Variants in PDIA2 observed in about 807,000 individuals in gnomAD.
The protein encoded by PDIA2 is protein disulfide isomerase family A member 2.
A neutral mutation model predicts 51.1 loss-of-function variants in PDIA2; 76 were observed. The ratio of observed to expected loss-of-function variants is 1.49; its 90% confidence interval spans 1.24 to 1.80. The LOEUF (loss-of-function observed/expected upper bound fraction) is 1.80, where lower values mean the gene tolerates loss of function less well. PDIA2 is among the 40% of genes most tolerant of loss of function. The pLI is 0.00. For missense variants in PDIA2, 946 were observed against 706.5 expected (o/e 1.34, Z -3.84); for synonymous variants, 429 against 309.9 (o/e 1.38, Z -4.04).
Position 284,889 on chromosome 16 carries a change from C to CAA in PDIA2, c.552_553insAA (p.Glu185LysfsTer17). On this transcript the variant is annotated frameshift_variant, in exon 4 of 11. Transcript: ENST00000219406. LOFTEE classifies it high-confidence loss of function. Reference sequence around the variant, plus strand: ...GCCAGGCCCCTCAGGACCTGCAGGACGAGGACGTGGCCACCTTCTTGGCCT... The same window carrying CAA: ...GCCAGGCCCCTCAGGACCTGCAGGACAAGAGGACGTGGCCACCTTCTTGGCCT... The CAA allele has an allele frequency of 1.2e-6, 2 of 1,612,602 alleles. No homozygotes were observed. The highest frequency in any genetic ancestry group is 1.7e-6 in the Non-Finnish European group (2 of 1,179,652).
chr16:285,330 G>A lies in PDIA2; in HGVS notation c.814G>A (p.Ala272Thr), dbSNP rs367835970. 3.6e-5 allele frequency: 58 copies of A among 1,612,840 alleles called. No individual in the cohort carries two copies. The highest frequency in any genetic ancestry group is 2.5e-4 in the African/African-American group (19 of 74,922). Residue 272 changes from alanine to threonine, a missense_variant, in exon 6 of 11, where the codon GCG becomes ACG. Physicochemically the swap from Ala to Thr is moderately conservative, Grantham distance 58. Transcript: ENST00000219406. ...ACTGTAGACGTCTGCCAAGATCTTC[G>A]CGGCCAGGATCCTCAACCACCTGCT... ...FNSQTSAKIF[A>T]ARILNHLLLF...
Position 284,806 on chromosome 16 carries a change from C to G in PDIA2, c.540+14C>G. The stretch of plus-strand genomic sequence containing the variant: ...GGCTTCTTCCAGGTGAGCCACTGGG[C>G]ATGGGGGGCCGGGCCATGAGGGCAG... On this transcript the variant is annotated intron_variant, in intron 3 of 10. Coordinates refer to ENST00000219406, the MANE Select transcript of PDIA2 (RefSeq NM_006849.4). The G allele has an allele frequency of 6.3e-7, 1 of 1,584,896 alleles. No homozygotes were observed. Among genetic ancestry groups the G allele is most frequent in the Non-Finnish European group, 8.6e-7 (1 of 1,167,726 alleles).
At chr16:284,194 A>G (rs574063028) in intron 1 of PDIA2, 193 bp from the exon 2 acceptor site, 2 of 624,674 alleles carry the variant, frequency 3.2e-6, no homozygotes, top group Middle Eastern at 4.3e-4. Context: ...TGGTCTTTCA[A>G]GCTCTCCCAA....
At position 286,565 on chromosome 16, in the gene PDIA2, T is replaced by C. The variant is rs765872416; in HGVS notation, c.1252T>C (p.Cys418Arg). The change falls in exon 9 of 11, where the codon TGC becomes CGC. Residue 418 changes from cysteine (C) to arginine (R), a missense_variant. Cys to Arg is a radical substitution (Grantham distance 180, BLOSUM62 -3). Coordinates refer to ENST00000219406, the MANE Select transcript of PDIA2 (RefSeq NM_006849.4). ...NVFVKFYAPW[C>R]THCKEMAPAW... The stretch of plus-strand genomic sequence containing the variant: ...GGCTCCCATCCTAGATGCCCCGTGG[T>C]GCACCCACTGCAAGGAGATGGCCCC... 4.3e-6 allele frequency: 7 copies of C among 1,612,282 alleles called. No individual in the cohort carries two copies. In the South Asian group the frequency reaches 6.6e-5, roughly 15 times the overall value.
rs778893713 is a variant in PDIA2, at chr16:283,239, C to T, written c.70C>T (p.Gln24Ter). Residue 24 changes from glutamine (Q) to a stop codon, truncating the protein, a stop_gained, in exon 1 of 11, where the codon CAG becomes TAG. Transcript: ENST00000219406. LOFTEE classifies it high-confidence loss of function. ...GGCTTCGTGCCCATGGGGTCAGGAA[C>T]AGGGAGCGAGGAGCCCCTCGGAGGA... ...LRASCPWGQE[Q>*]GARSPSEEPP... is the part of the protein sequence containing the mutation. 1 of 1,610,498 alleles carries T rather than the reference C, an allele frequency of 6.2e-7. No individual in the cohort carries two copies.
chr16:287,019 A>G (rs779881582), intron 10 of PDIA2, 50 bp from the exon 11 acceptor site: 24 of 1,612,452 alleles, frequency 1.5e-5, no homozygotes, highest in Non-Finnish European at 1.8e-5. Flanking sequence ...GGGCGGGGGC[A>G]GGGGTAGGCT....
intron 7 of PDIA2, 128 bp downstream of exon 7, chr16:285,831 G>T (rs1354407322): frequency 9.5e-7 from 1 of 1,049,114 alleles, no homozygotes; most frequent in Admixed American, 2.4e-5. Context: ...CCCTCAACCC[G>T]GCAATTCTCC....
Position 285,431 on chromosome 16 carries a change from G to C in PDIA2, c.915G>C (p.Arg305=), listed in dbSNP as rs1015233962. ...AGFGEAAPRF[R]GQVLFVVVDV... ...TTGGGGAGGCAGCTCCCCGCTTCCG[G>C]GGGCAGGTACTGGGGGGCTGGGGGA... Residue 305 remains arginine, a synonymous_variant, in exon 6 of 11, where the codon CGG becomes CGC. Coordinates refer to ENST00000219406, the MANE Select transcript of PDIA2 (RefSeq NM_006849.4). The C allele has an allele frequency of 3.7e-6, 6 of 1,610,936 alleles. No individual in the cohort carries two copies. The highest frequency in any genetic ancestry group is 5.1e-6 in the Non-Finnish European group (6 of 1,179,412).
Position 286,685 on chromosome 16 carries a change from G to A in PDIA2, c.1372G>A (p.Val458Met). 1 of 1,612,474 alleles carries A rather than the reference G, an allele frequency of 6.2e-7. No homozygotes were observed. The highest frequency in any genetic ancestry group is 8.5e-7 in the Non-Finnish European group (1 of 1,179,984). The part of the protein sequence containing the change: ...ATANELDAFA[V>M]HGFPTLKYFP... ...GGCCAACGAGCTGGATGCCTTCGCT[G>A]TGCACGGCTTCCCTACTCTCAAGTA... The change falls in exon 9 of 11, where the codon GTG becomes ATG. Residue 458 changes from valine (V) to methionine (M), a missense_variant. Physicochemically the swap from Val to Met is conservative, Grantham distance 21. Transcript: ENST00000219406.
In PDIA2 at chr16:285,149, G is replaced by C. The variant is rs200289772; in HGVS notation, c.744G>C (p.Ser248=). 4.3e-6 allele frequency: 7 copies of C among 1,612,946 alleles called. No homozygotes were observed. The East Asian group carries it at 1.3e-4, about 31-fold the overall frequency. The change falls in exon 5 of 11, where the codon TCG becomes TCC. Residue 248 remains serine, a synonymous_variant. Transcript: ENST00000219406. ...EELGLDLGDL[S]RFLVTHSMRL... is the part of the protein sequence containing the mutation. ...TTGGCCTGGACCTGGGGGATCTGTCGCGCTTCCTGGTCACACACAGCATGC... is the reference window on the plus strand; with the variant it reads ...TTGGCCTGGACCTGGGGGATCTGTCCCGCTTCCTGGTCACACACAGCATGC...
rs45459806 is a variant in PDIA2 at position 285,531 on chromosome 16, C to T, written c.947C>T (p.Ala316Val). 0.016 allele frequency: 25,418 copies of T among 1,612,984 alleles called. 322 individuals are homozygous for T. The highest frequency in any genetic ancestry group is 0.052 in the Middle Eastern group (314 of 6,062). ...GTGCTGTTCGTGGTGGTGGACGTGG[C>T]GGCCGACAATGAGCACGTGCTGCAG... ...GQVLFVVVDV[A>V]ADNEHVLQYF... Residue 316 changes from alanine to valine, a missense_variant, in exon 7 of 11, where the codon GCG (alanine) becomes GTG (valine). Physicochemically the swap from Ala to Val is moderately conservative, Grantham distance 64. Coordinates refer to ENST00000219406, the MANE Select transcript of PDIA2 (RefSeq NM_006849.4).
chr16:285,039 T>G, intron 4 of PDIA2, 24 bp downstream of exon 4: 1 of 1,613,174 alleles, frequency 6.2e-7, no homozygotes, highest in Non-Finnish European at 8.5e-7. Flanking sequence ...AGGTGTGGGT[T>G]GGGGTCCGGC....
In PDIA2 at chr16:285,363, G is replaced by C. The variant is rs746601840; in HGVS notation, c.847G>C (p.Val283Leu). 2 of 1,612,768 alleles carry C rather than the reference G, an allele frequency of 1.2e-6. No individual in the cohort carries two copies. The highest frequency in any genetic ancestry group is 1.3e-5 in the African/African-American group (1 of 74,856). ...GATCCTCAACCACCTGCTGCTGTTT[G>C]TCAACCAGACGCTGGCTGCGCACCG... ...ARILNHLLLF[V>L]NQTLAAHREL... Residue 283 changes from valine to leucine, a missense_variant, in exon 6 of 11, where the codon GTC (valine) becomes CTC (leucine). Physicochemically the swap from Val to Leu is conservative, Grantham distance 32. Transcript: ENST00000219406.
At position 284,469 on chromosome 16, in the gene PDIA2, G is replaced by A. The variant is rs2052326445; in HGVS notation, c.282G>A (p.Val94=). Residue 94 remains valine (V), a synonymous_variant, in exon 2 of 11, where the codon GTG becomes GTA. Coordinates refer to ENST00000219406, the MANE Select transcript of PDIA2 (RefSeq NM_006849.4). ...CCGTGCTCGCGGCCGAGTCAATGGTGGTCACGCTGGCCAAGGTGGATGGGC... is the reference window on the plus strand; with the variant it reads ...CCGTGCTCGCGGCCGAGTCAATGGTAGTCACGCTGGCCAAGGTGGATGGGC... The part of the protein sequence containing the change: ...AAAVLAAESM[V]VTLAKVDGPA... The A allele has an allele frequency of 1.2e-6, 2 of 1,605,548 alleles. No individual in the cohort carries two copies. The highest frequency in any genetic ancestry group is 2.2e-5 in the South Asian group (2 of 89,530).
At position 285,500 on chromosome 16, in the gene PDIA2, C is replaced by A; in HGVS notation, c.922-6C>A. 1 of 1,612,534 alleles carries A rather than the reference C, an allele frequency of 6.2e-7. No individual in the cohort carries two copies. Among genetic ancestry groups the A allele is most frequent in the Non-Finnish European group, 8.5e-7 (1 of 1,179,864 alleles). On this transcript the variant is annotated splice_polypyrimidine_tract_variant and splice_region_variant and intron_variant, in intron 6 of 10. Transcript: ENST00000219406. Reference sequence around the variant, plus strand: ...GGCCGGTGCCAGCATGGACTCCCTGCCACAGGTGCTGTTCGTGGTGGTGGA... The same window carrying A: ...GGCCGGTGCCAGCATGGACTCCCTGACACAGGTGCTGTTCGTGGTGGTGGA...
In PDIA2 at chr16:284,088, G is replaced by A. The variant is rs896789662; in HGVS notation, c.200-299G>A. On this transcript the variant is annotated intron_variant, in intron 1 of 10. Transcript: ENST00000219406. ...TCTCCATGTTGGTCAGGCTGGTCTC[G>A]AACTCCCAACCTCAGGTGATATGCC... is the stretch of plus-strand genomic sequence containing the variant. 1.0e-4 allele frequency: 49 copies of A among 468,582 alleles called. 1 individual carries two copies. Among genetic ancestry groups the A allele is most frequent in the African/African-American group, 4.9e-4 (25 of 50,906 alleles). The allele number at this position is 468,582 out of a possible 1,614,324, so 29.0% of individuals were successfully genotyped here. A position where few individuals can be genotyped will look rare whatever the true frequency, so the allele number is the denominator to read the frequency against.
chr16:285,675 G>A lies in PDIA2; in HGVS notation c.1091G>A (p.Cys364Tyr). The change falls in exon 7 of 11, where the codon TGC (cysteine) becomes TAC (tyrosine). Residue 364 changes from cysteine to tyrosine, a missense_variant. Coordinates refer to ENST00000219406, the MANE Select transcript of PDIA2 (RefSeq NM_006849.4). ...PVTAASITAF[C>Y]HAVLNGQVKP... ...ACCGCAGCGTCCATCACTGCTTTCTGCCATGCAGTCCTCAACGGCCAAGTC... is the reference window on the plus strand; with the variant it reads ...ACCGCAGCGTCCATCACTGCTTTCTACCATGCAGTCCTCAACGGCCAAGTC... 3.1e-6 allele frequency: 5 copies of A among 1,613,202 alleles called. No individual in the cohort carries two copies. The highest frequency in any genetic ancestry group is 4.2e-6 in the Non-Finnish European group (5 of 1,179,936).
chr16:285,712 C>T lies in PDIA2; in HGVS notation c.1119+9C>T, dbSNP rs754561100. 1.2e-6 allele frequency: 2 copies of T among 1,611,328 alleles called. No individual in the cohort carries two copies. The highest frequency in any genetic ancestry group is 8.5e-7 in the Non-Finnish European group (1 of 1,179,206). On this transcript the variant is annotated intron_variant, in intron 7 of 10. Transcript: ENST00000219406. ...TCAACGGCCAAGTCAAGGTCCGCTG[C>T]AGACTGCTCATAATGGAAGGGGAAC...
intron 7 of PDIA2, 65 bp from the exon 8 acceptor site, chr16:286,288 C>T: frequency 7.1e-7 from 1 of 1,414,616 alleles, no homozygotes; most frequent in African/African-American, 1.8e-5. Context: ...CCCCCAGGCC[C>T]TGCACAGGAC....
Sources: allele counts gnomAD v4.1 joint callset, GRCh38; gene constraint gnomAD v4.1.1; transcripts MANE v1.5; gene names NCBI Gene and HGNC (gene_info 2026-07-23, HGNC 2026-07-21).